BRINP3: variants seen among roughly 807,000 people sequenced by gnomAD.
The protein encoded by BRINP3 is BMP/retinoic acid inducible neural specific 3.
In BRINP3, 19 loss-of-function variants were observed where a neutral mutation model predicts 71.0. The observed-to-expected ratio is 0.27, with a 90% CI of 0.19 to 0.39. BRINP3 has a LOEUF of 0.39. Ranked by LOEUF, BRINP3 falls within the 10% of genes least tolerant of loss-of-function variation. The probability of loss-of-function intolerance (pLI) is 1.00; values close to 1 mark genes in which losing one functional copy is unlikely to be tolerated. For synonymous variants in BRINP3, 380 were observed against 337.7 expected (o/e 1.13, Z -1.37); for missense variants, 959 against 940.8 (o/e 1.02, Z -0.25).
intron 7 of BRINP3, among the ~76,000 whole-genome samples, chr1:190,137,874 C>T (rs990341163): frequency 6.6e-6 from 1 of 151,856 alleles, no homozygotes; most frequent in African/African-American, 2.4e-5. Flanking sequence ...ATTCTTGTAA[C>T]CATGACAACT....
intron 2 of BRINP3, among the ~76,000 whole-genome samples, chr1:190,287,733 G>C (rs945175549): frequency 6.6e-6 from 1 of 152,228 alleles, no homozygotes; most frequent in Admixed American, 6.5e-5. Context: ...AATTGTAGCT[G>C]TAACCTCATG....
At chr1:190,305,047 T>A (rs1160332496) in intron 2 of BRINP3, among the ~76,000 whole-genome samples, 2 of 151,416 alleles carry the variant, frequency 1.3e-5, no homozygotes, top group Non-Finnish European at 3.0e-5. Flanking sequence ...GAAACACAAA[T>A]CAAAACAATA....
At chr1:190,386,969 C>T (rs189908138) in intron 2 of BRINP3, among the ~76,000 whole-genome samples, 36 of 152,022 alleles carry the variant, frequency 2.4e-4, no homozygotes, top group Non-Finnish European at 4.4e-4. Context: ...TATTTGCCAA[C>T]GTTTGCACCA....
intron 1 of BRINP3, among the ~76,000 whole-genome samples, chr1:190,473,317 C>G (rs935894703): frequency 6.6e-6 from 1 of 151,992 alleles, no homozygotes; most frequent in African/African-American, 2.4e-5. Flanking sequence ...AGCACTACAA[C>G]TTTGCAATTT....
intron 7 of BRINP3, among the ~76,000 whole-genome samples, chr1:190,159,969 A>T (rs967108508): frequency 6.6e-6 from 1 of 152,062 alleles, no homozygotes; most frequent in Non-Finnish European, 1.5e-5. Context: ...AAATTCAAAC[A>T]TTTTATGTAA....
intron 2 of BRINP3, among the ~76,000 whole-genome samples, chr1:190,332,202 A>G (rs1237927491): frequency 2.6e-5 from 4 of 152,018 alleles, no homozygotes. Context: ...CCTGTAAACA[A>G]TTTGCATATA....
chr1:190,391,798 T>C (rs1671267282), intron 2 of BRINP3, among the ~76,000 whole-genome samples: 1 of 151,762 alleles, frequency 6.6e-6, no homozygotes, highest in African/African-American at 2.4e-5. Flanking sequence ...TTAGTGTCAG[T>C]GCTAGAGACC....
intron 2 of BRINP3, among the ~76,000 whole-genome samples, chr1:190,416,223 T>C (rs537908174): frequency 6.6e-6 from 1 of 152,324 alleles, no homozygotes; most frequent in South Asian, 2.1e-4. Context: ...CCATATTAGG[T>C]AAATATTAAT....
chr1:190,444,368 C>T (rs1362878185), intron 2 of BRINP3, among the ~76,000 whole-genome samples: 2 of 150,750 alleles, frequency 1.3e-5, no homozygotes, highest in Non-Finnish European at 3.0e-5. Flanking sequence ...AGTTTACAAA[C>T]CATTCACTGG....
intron 2 of BRINP3, among the ~76,000 whole-genome samples, chr1:190,416,100 T>C (rs547285674): frequency 6.6e-6 from 1 of 152,256 alleles, no homozygotes; most frequent in East Asian, 1.9e-4. Flanking sequence ...ACATGAAATC[T>C]TAATTAAGTG....
At position 190,411,656 on chromosome 1, in the gene BRINP3, A is replaced by C. The variant is rs990810240; in HGVS notation, c.236+42999T>G. On this transcript the variant is annotated intron_variant, in intron 2 of 7. Coordinates refer to ENST00000367462, the MANE Select transcript of BRINP3 (RefSeq NM_199051.3). ...TTGAGGAAATATGGTCTATATAACTAAGGTCTATTTTTCTCCCTCCTAACA... is the reference window on the plus strand; with the variant it reads ...TTGAGGAAATATGGTCTATATAACTCAGGTCTATTTTTCTCCCTCCTAACA... Among the ~76,000 whole-genome samples, 3 of 152,190 alleles carry C rather than the reference A, an allele frequency of 2.0e-5. No homozygotes were observed. The East Asian group carries it at 5.8e-4, about 29-fold the overall frequency.
intron 2 of BRINP3, among the ~76,000 whole-genome samples, chr1:190,437,757 CTG>C (rs1674559482): frequency 6.6e-6 from 1 of 151,500 alleles, no homozygotes. Flanking sequence ...TATATTTTAA[CTG>C]TTAAATACTG....
intron 4 of BRINP3, among the ~76,000 whole-genome samples, chr1:190,244,373 A>C (rs1397257127): frequency 6.6e-6 from 1 of 152,070 alleles, no homozygotes; most frequent in Non-Finnish European, 1.5e-5. Flanking sequence ...ACATTTCTAC[A>C]TCTACCCAAT....
rs74886425 is a variant in BRINP3, at chr1:190,426,357, G to A, written c.236+28298C>T. ...CTGTAATCTACACTGCATGTACTACGCCCAGAAGATAATAAGACAGGTTGA... is the reference window on the plus strand; with the variant it reads ...CTGTAATCTACACTGCATGTACTACACCCAGAAGATAATAAGACAGGTTGA... On this transcript the variant is annotated intron_variant, in intron 2 of 7. Coordinates refer to ENST00000367462, the MANE Select transcript of BRINP3 (RefSeq NM_199051.3). 1.6e-3 allele frequency among the ~76,000 whole-genome samples: 245 copies of A among 151,840 alleles called. 2 individuals carry two copies. Among genetic ancestry groups the A allele is most frequent in the Admixed American group, 0.014 (213 of 15,190 alleles).
intron 2 of BRINP3, among the ~76,000 whole-genome samples, chr1:190,282,923 A>G (rs1200569882): frequency 1.3e-5 from 2 of 152,014 alleles, no homozygotes; most frequent in East Asian, 1.9e-4. Flanking sequence ...CGAGACAACA[A>G]TTAGGCAATA....
At chr1:190,203,002 G>A (rs966619924) in intron 6 of BRINP3, among the ~76,000 whole-genome samples, 1 of 152,038 alleles carries the variant, frequency 6.6e-6, no homozygotes, top group Non-Finnish European at 1.5e-5. Context: ...TTAGGTTATT[G>A]TAATAATAAA....
chr1:190,277,041 C>A (rs1314682285), intron 3 of BRINP3, among the ~76,000 whole-genome samples: 2 of 120,862 alleles, frequency 1.7e-5, no homozygotes, highest in African/African-American at 5.8e-5. Flanking sequence ...TCTAAATTAA[C>A]AAATCTTATT....
intron 2 of BRINP3, among the ~76,000 whole-genome samples, chr1:190,391,277 G>A (rs944585718): frequency 1.3e-5 from 2 of 151,726 alleles, no homozygotes; most frequent in African/African-American, 4.8e-5. Flanking sequence ...AATCAGACAA[G>A]GGACAGTATT....
intron 6 of BRINP3, among the ~76,000 whole-genome samples, chr1:190,176,814 T>G (rs1177868478): frequency 6.6e-6 from 1 of 152,146 alleles, no homozygotes; most frequent in African/African-American, 2.4e-5. Flanking sequence ...TTACTTTTGC[T>G]GCTTGGGGTC....
Sources: gnomAD v4.1 joint callset for allele counts (sites outside exome capture counted in the v4.1 genomes callset) on GRCh38, gnomAD v4.1.1 for gene constraint, MANE v1.5 for transcripts, NCBI Gene and HGNC (gene_info 2026-07-23, HGNC 2026-07-21) for gene names.